The following FEZ1 variants were observed in gnomAD, a reference collection of about 807,000 sequenced individuals.
The protein encoded by FEZ1 is fasciculation and elongation protein zeta-1.
Under a neutral mutation model 49.3 loss-of-function variants are expected in FEZ1, and 20 were observed. The observed-to-expected ratio is 0.41, with a 90% CI of 0.29 to 0.59. The LOEUF is 0.59. FEZ1 is among the 20% of genes least tolerant of loss of function. FEZ1 has a pLI of 0.36. For synonymous variants in FEZ1, 170 were observed against 180.9 expected (o/e 0.94, Z 0.48); for missense variants, 413 against 476.0 (o/e 0.87, Z 1.23).
intron 3 of FEZ1, among the ~76,000 whole-genome samples, chr11:125,476,594 A>C (rs1471436940): frequency 6.6e-6 from 1 of 152,182 alleles, no homozygotes; most frequent in African/African-American, 2.4e-5. Flanking sequence ...GTAAAATTTC[A>C]AATGAGAAAG....
Position 125,493,477 on chromosome 11 carries a change from AGAAG to A in FEZ1, c.-46+2640_-46+2643del, listed in dbSNP as rs1488411828. ...AAGAAGGAAAGAAGGAAAGAAGGAA[AGAAG>A]GAAAGAAGGAAAGAAAGAAAGAAAG... On this transcript the variant is annotated intron_variant, in intron 1 of 9. Transcript: ENST00000278919. 7.2e-3 allele frequency among the ~76,000 whole-genome samples: 589 copies of A among 81,708 alleles called. 46 individuals carry two copies. Among genetic ancestry groups the A allele is most frequent in the Middle Eastern group, 0.022 (4 of 178 alleles). The allele number at this position is 81,708 out of a possible 152,430, so 53.6% of individuals were successfully genotyped here.
chr11:125,473,325 G>T (rs770137917), intron 3 of FEZ1, among the ~76,000 whole-genome samples: 12 of 152,168 alleles, frequency 7.9e-5, no homozygotes, highest in Non-Finnish European at 1.3e-4. Flanking sequence ...AATGGTACTG[G>T]AATAATTGAA....
intron 4 of FEZ1, 159 bp downstream of exon 4, chr11:125,463,325 G>C: frequency 1.9e-6 from 1 of 535,568 alleles, no homozygotes; most frequent in Non-Finnish European, 3.3e-6. Flanking sequence ...TATATATAAA[G>C]AAAAAAAAGA....
At chr11:125,470,469 G>A (rs1366558901) in intron 3 of FEZ1, among the ~76,000 whole-genome samples, 1 of 152,254 alleles carries the variant, frequency 6.6e-6, no homozygotes, top group Non-Finnish European at 1.5e-5. Context: ...TTGAATAAAA[G>A]GAATTCTAGA....
chr11:125,449,551 G>A (rs1011844956), intron 8 of FEZ1, among the ~76,000 whole-genome samples: 1 of 149,586 alleles, frequency 6.7e-6, no homozygotes, highest in Non-Finnish European at 1.5e-5. Context: ...AAATGCTAAT[G>A]TTCATAGAAA....
intron 3 of FEZ1, among the ~76,000 whole-genome samples, chr11:125,469,467 C>G (rs1323927138): frequency 6.6e-6 from 1 of 152,124 alleles, no homozygotes; most frequent in Non-Finnish European, 1.5e-5. Flanking sequence ...GCCATGTTTC[C>G]TAGGCTGGTC....
chr11:125,448,656 A>G, intron 8 of FEZ1, 89 bp from the exon 9 acceptor site: 1 of 812,122 alleles, frequency 1.2e-6, no homozygotes, highest in Non-Finnish European at 2.1e-6. Flanking sequence ...CCAGAGTGAG[A>G]GAGAAATGAT....
chr11:125,464,786 G>C (rs184368301), intron 3 of FEZ1, among the ~76,000 whole-genome samples: 2 of 152,252 alleles, frequency 1.3e-5, no homozygotes, highest in African/African-American at 4.8e-5. Context: ...CTAGATATGG[G>C]GTAGGACAGG....
In FEZ1 at chr11:125,460,681, C is replaced by T. The variant is rs73623104; in HGVS notation, c.499-15G>A. ...TCCTCAATTACCTGAAGAAGGTACACGAGAGAGTGCTAACTCTGTTCTCTG... is the reference window on the plus strand; with the variant it reads ...TCCTCAATTACCTGAAGAAGGTACATGAGAGAGTGCTAACTCTGTTCTCTG... On this transcript the variant is annotated splice_polypyrimidine_tract_variant and intron_variant, in intron 4 of 9. Transcript: ENST00000278919. 8.9e-4 allele frequency: 1,441 copies of T among 1,610,908 alleles called. 8 individuals carry two copies. In the African/African-American group the frequency reaches 0.016, roughly 18 times the overall value.
Position 125,445,807 on chromosome 11 carries a change from G to T in FEZ1, c.*288C>A. ...AGTCTTAAGAGTATAAGCTGTTTTT[G>T]AGGGCTGTAGCCAGACTACATAATG... On this transcript the variant is annotated 3_prime_UTR_variant, in exon 10 of 10. Transcript: ENST00000278919. The surrounding 1 kb of genome is among the most constrained non-coding windows in gnomAD (Gnocchi z 4.4). The T allele has an allele frequency of 2.2e-6, 1 of 463,094 alleles. No individual in the cohort carries two copies. The highest frequency in any genetic ancestry group is 4.0e-6 in the Non-Finnish European group (1 of 248,110). 28.7% of individuals were successfully genotyped at this position (463,094 alleles called of 1,614,324 possible).
At chr11:125,469,329 G>T (rs552238668) in intron 3 of FEZ1, among the ~76,000 whole-genome samples, 4 of 152,184 alleles carry the variant, frequency 2.6e-5, no homozygotes, top group Non-Finnish European at 5.9e-5. Flanking sequence ...CTTGATCTCA[G>T]CTCACTGCAA....
chr11:125,492,420 C>T (rs1021911010), intron 1 of FEZ1, among the ~76,000 whole-genome samples: 2 of 152,164 alleles, frequency 1.3e-5, no homozygotes, highest in Non-Finnish European at 2.9e-5. Flanking sequence ...GGAGAAGGAG[C>T]CCACAGGCTT....
intron 3 of FEZ1, among the ~76,000 whole-genome samples, chr11:125,474,191 A>ATTTTTT (rs34135138): frequency 1.6e-5 from 2 of 128,452 alleles, no homozygotes; most frequent in Non-Finnish European, 1.6e-5. Flanking sequence ...TGCCAGGCTA[A>ATTTTTT]TTTTTTTTTT....
intron 3 of FEZ1, among the ~76,000 whole-genome samples, chr11:125,477,740 T>C (rs984869743): frequency 2.0e-5 from 3 of 151,932 alleles, no homozygotes; most frequent in African/African-American, 7.3e-5. Flanking sequence ...GTTTACCCCA[T>C]CTCGCCATTC....
intron 2 of FEZ1, among the ~76,000 whole-genome samples, chr11:125,487,500 A>G (rs1028202095): frequency 7.9e-5 from 12 of 152,218 alleles, no homozygotes; most frequent in African/African-American, 2.4e-4. Flanking sequence ...TATTCGGCAT[A>G]ATAAACCCCC....
In FEZ1 at chr11:125,445,417, A is replaced by G. The variant is rs1017737122; in HGVS notation, c.*678T>C. Among the ~76,000 whole-genome samples, 45 of 152,202 alleles carry G rather than the reference A, an allele frequency of 3.0e-4. No individual in the cohort carries two copies. Among genetic ancestry groups the G allele is most frequent in the Admixed American group, 9.8e-4 (15 of 15,286 alleles). ...AGATCTGCAGCTGTGTGGCTCCTCC[A>G]TGAGGCCCACTTTCTATCTGCTAAT... On this transcript the variant is annotated 3_prime_UTR_variant, in exon 10 of 10. Coordinates refer to ENST00000278919, the MANE Select transcript of FEZ1 (RefSeq NM_005103.5). This position sits in a 1 kb window ranked among gnomAD's most constrained non-coding sequence, Gnocchi z 4.4.
At chr11:125,452,783 T>C (rs1405454551) in intron 7 of FEZ1, 4 of 175,502 alleles carry the variant, frequency 2.3e-5, no homozygotes, top group African/African-American at 9.5e-5. Context: ...TCAAAAAAGA[T>C]ATGCAAGAGA....
At chr11:125,475,273 AAT>A (rs1957220701) in intron 3 of FEZ1, among the ~76,000 whole-genome samples, 1 of 86,034 alleles carries the variant, frequency 1.2e-5, no homozygotes, top group Non-Finnish European at 2.2e-5. Flanking sequence ...CTGTCTCAAA[AAT>A]ACACACACAC....
chr11:125,454,631 G>A (rs1424346582), intron 6 of FEZ1, among the ~76,000 whole-genome samples: 5 of 152,120 alleles, frequency 3.3e-5, no homozygotes, highest in Admixed American at 6.6e-5. Context: ...ATGTACATGC[G>A]GAGAACTAAT....
Sources: allele counts gnomAD v4.1 joint callset (sites outside exome capture counted in the v4.1 genomes callset), GRCh38; gene constraint gnomAD v4.1.1; non-coding constraint Gnocchi (gnomAD v3.1); transcripts MANE v1.5; gene names NCBI Gene and HGNC (gene_info 2026-07-23, HGNC 2026-07-21).